EPB41L1: variants seen among roughly 807,000 people sequenced by gnomAD.
EPB41L1 encodes the protein band 4.1-like protein 1.
In EPB41L1, 29 loss-of-function variants were observed where a neutral mutation model predicts 97.8. The observed-to-expected ratio is 0.30, with a 90% CI of 0.22 to 0.40. The LOEUF is 0.40. Among genes scored for constraint, EPB41L1 ranks in the 10% least tolerant of loss-of-function variants. The pLI is 1.00. For missense variants in EPB41L1, 812 were observed against 1,162.3 expected (o/e 0.70, Z 4.38); for synonymous variants, 383 against 459.2 (o/e 0.83, Z 2.12).
At chr20:36,125,413 C>G in intron 2 of EPB41L1, 1 of 731,892 alleles carries the variant, frequency 1.4e-6, no homozygotes, top group Non-Finnish European at 2.4e-6. Flanking sequence ...GTTTCTTCAT[C>G]TGTAAACAGG....
intron 1 of EPB41L1, among the ~76,000 whole-genome samples, chr20:36,095,233 A>G (rs899912858): frequency 1.3e-5 from 2 of 152,088 alleles, no homozygotes; most frequent in Non-Finnish European, 2.9e-5. Context: ...CGGCCTCCCA[A>G]AGTGCTGGGA....
In EPB41L1 at chr20:36,113,231, G is replaced by A. The variant is rs545515346; in HGVS notation, c.-10+751G>A. ...CTGGCAGGGCGAGGGAGTAGAGAGG[G>A]AACTCAGCCAATGGAGTTACATTGA... On this transcript the variant is annotated intron_variant, in intron 2 of 19. Transcript: ENST00000202028. 4.1e-4 allele frequency among the ~76,000 whole-genome samples: 63 copies of A among 152,300 alleles called. 1 individual carries two copies. The highest frequency in any genetic ancestry group is 7.8e-4 in the Non-Finnish European group (53 of 68,024).
chr20:36,202,371 ATCC>A (rs1367961871), intron 14 of EPB41L1, among the ~76,000 whole-genome samples: 3 of 152,218 alleles, frequency 2.0e-5, no homozygotes, highest in African/African-American at 7.2e-5. Flanking sequence ...ACCGCTCTGC[ATCC>A]TCCTCCAGGC....
At chr20:36,126,759 T>C (rs545829188) in intron 2 of EPB41L1, among the ~76,000 whole-genome samples, 1 of 152,328 alleles carries the variant, frequency 6.6e-6, no homozygotes, top group East Asian at 1.9e-4. Context: ...GTGCTCCCTC[T>C]CTCTGTTATT....
chr20:36,188,615 CACACACACACACACACACACACACACAG>C (rs1418405338), intron 9 of EPB41L1, 116 bp downstream of exon 9: 11 of 632,514 alleles, frequency 1.7e-5, no homozygotes, highest in Non-Finnish European at 1.1e-5. Context: ...CACACACACA[CACACACACACACACACACACACACACAG>C]AGAGAGAGAG....
Position 36,197,841 on chromosome 20 carries a change from C to G in EPB41L1, c.1486-18C>G. The G allele has an allele frequency of 6.2e-7, 1 of 1,614,096 alleles. No individual in the cohort carries two copies. Among genetic ancestry groups the G allele is most frequent in the Non-Finnish European group, 8.5e-7 (1 of 1,180,006 alleles). On this transcript the variant is annotated intron_variant, in intron 13 of 21. Coordinates refer to ENST00000338074, the MANE Select transcript of EPB41L1 (RefSeq NM_012156.2). Reference sequence around the variant, plus strand: ...GAGCTGTTCCCCTAACACCACCACCCTCTCCATCTATCCCTAGTTCTTAGA... The same window carrying G: ...GAGCTGTTCCCCTAACACCACCACCGTCTCCATCTATCCCTAGTTCTTAGA...
Position 36,154,765 on chromosome 20 carries a change from G to A in EPB41L1, c.-146G>A. ...AGTCGGCATCCATCAGCGGGCGGGG[G>A]TGTCGCCGAACAGGCTGCTCCGCAG... is the stretch of plus-strand genomic sequence containing the variant. On this transcript the variant is annotated 5_prime_UTR_variant, in exon 1 of 22. In the 5' UTR this introduces an upstream ATG that the reference lacks. Transcript: ENST00000338074. This position sits in a 1 kb window ranked among gnomAD's most constrained non-coding sequence, Gnocchi z 5.5. 1 of 986,782 alleles carries A rather than the reference G, an allele frequency of 1.0e-6. No individual in the cohort carries two copies. Among genetic ancestry groups the A allele is most frequent in the Non-Finnish European group, 1.2e-6 (1 of 830,902 alleles). The allele number at this position is 986,782 out of a possible 1,614,324, so 61.1% of individuals were successfully genotyped here. A position where few individuals can be genotyped will look rare whatever the true frequency, so the allele number is the denominator to read the frequency against.
chr20:36,155,873 T>G (rs1331514779), intron 1 of EPB41L1: 1 of 277,106 alleles, frequency 3.6e-6, no homozygotes, highest in African/African-American at 2.3e-5. Flanking sequence ...TCCAGGGCTG[T>G]GCGGGGTCCA....
chr20:36,155,056 T>C (rs2060231328), intron 1 of EPB41L1, 160 bp downstream of exon 1: 1 of 669,980 alleles, frequency 1.5e-6, no homozygotes, highest in African/African-American at 1.9e-5. Context: ...TGTTCCTCCC[T>C]ACCTACCGGT....
At chr20:36,140,146 C>T (rs2059582638) in intron 2 of EPB41L1, among the ~76,000 whole-genome samples, 1 of 152,070 alleles carries the variant, frequency 6.6e-6, no homozygotes, top group Non-Finnish European at 1.5e-5. Flanking sequence ...CCTCTGCTTC[C>T]CAGATTCAAG....
intron 21 of EPB41L1, among the ~76,000 whole-genome samples, chr20:36,225,609 C>T (rs2064094825): frequency 6.6e-6 from 1 of 152,230 alleles, no homozygotes; most frequent in African/African-American, 2.4e-5. Flanking sequence ...CGCTTGAGGA[C>T]TCGGTTTCCT....
intron 18 of EPB41L1, 75 bp downstream of exon 18, chr20:36,219,037 A>ATGGAAGTGCAT: frequency 6.7e-7 from 1 of 1,489,002 alleles, no homozygotes; most frequent in Non-Finnish European, 9.3e-7. Context: ...TATGGCTGGC[A>ATGGAAGTGCAT]GGAAGTGCAG....
chr20:36,169,948 GGCCACTACAGT>G (rs1017541355), intron 1 of EPB41L1, among the ~76,000 whole-genome samples: 1 of 152,130 alleles, frequency 6.6e-6, no homozygotes, highest in African/African-American at 2.4e-5. Flanking sequence ...TCCCTCCAGG[GGCCACTACAGT>G]GCCTGGCCCA....
chr20:36,169,492 C>G (rs2060887111), intron 1 of EPB41L1, among the ~76,000 whole-genome samples: 1 of 121,386 alleles, frequency 8.2e-6, no homozygotes, highest in Admixed American at 7.2e-5. Flanking sequence ...AGTGATGCTT[C>G]TGACTCCCAG....
Position 36,206,839 on chromosome 20 carries a change from A to G in EPB41L1, c.1669-2649A>G. 1 of 1,289,874 alleles carries G rather than the reference A, an allele frequency of 7.8e-7. No homozygotes were observed. The highest frequency in any genetic ancestry group is 1.0e-6 in the Non-Finnish European group (1 of 988,874). The allele number at this position is 1,289,874 out of a possible 1,614,324, so 79.9% of individuals were successfully genotyped here. ...CCCCGTGAGTGGAGATTTGCTGGGAAAGGCTGAGGAAAGTCCCACAGAGGA... is the reference window on the plus strand; with the variant it reads ...CCCCGTGAGTGGAGATTTGCTGGGAGAGGCTGAGGAAAGTCCCACAGAGGA... On this transcript the variant is annotated intron_variant, in intron 14 of 21. Coordinates refer to ENST00000338074, the MANE Select transcript of EPB41L1 (RefSeq NM_012156.2). This position sits in a 1 kb window ranked among gnomAD's most constrained non-coding sequence, Gnocchi z 5.5.
chr20:36,102,675 G>T (rs773224043), intron 1 of EPB41L1, among the ~76,000 whole-genome samples: 1 of 152,096 alleles, frequency 6.6e-6, no homozygotes, highest in Non-Finnish European at 1.5e-5. Context: ...CCACCACTGG[G>T]GGGACCTCCC....
Position 36,204,471 on chromosome 20 carries a change from C to CTTTTTTTTTTTTTTTT in EPB41L1, c.1669-5006_1669-4991dup, listed in dbSNP as rs765673962. Among the ~76,000 whole-genome samples, 14 of 90,600 alleles carry CTTTTTTTTTTTTTTTT rather than the reference C, an allele frequency of 1.5e-4. 2 individuals are homozygous for CTTTTTTTTTTTTTTTT. Among genetic ancestry groups the CTTTTTTTTTTTTTTTT allele is most frequent in the African/African-American group, 6.9e-4 (12 of 17,386 alleles). 59.4% of individuals were successfully genotyped at this position (90,600 alleles called of 152,430 possible). On this transcript the variant is annotated intron_variant, in intron 14 of 21. Coordinates refer to ENST00000338074, the MANE Select transcript of EPB41L1 (RefSeq NM_012156.2). ...GGCCTAACAGTGCTGCGATCTGGTG[C>CTTTTTTTTTTTTTTTT]TTTTTTTTTTTTTTTTTTTTTTTTT...
At chr20:36,178,536 C>A in intron 4 of EPB41L1, 94 bp from the exon 5 acceptor site, 1 of 1,303,484 alleles carries the variant, frequency 7.7e-7, no homozygotes, top group Non-Finnish European at 1.1e-6. Context: ...CTACAAGGGG[C>A]TGCTGACCAG....
intron 7 of EPB41L1, 73 bp from the exon 8 acceptor site, chr20:36,187,603 T>G (rs756053331): frequency 1.7e-6 from 2 of 1,210,048 alleles, no homozygotes; most frequent in Non-Finnish European, 2.4e-6. Context: ...GTTCTGATGG[T>G]GGGCACCTTT....
Sources: gnomAD v4.1 joint callset for allele counts (sites outside exome capture counted in the v4.1 genomes callset) on GRCh38, gnomAD v4.1.1 for gene constraint, Gnocchi (gnomAD v3.1) non-coding constraint, MANE v1.5 for transcripts, NCBI Gene and HGNC (gene_info 2026-07-23, HGNC 2026-07-21) for gene names.